The following PLCB1 variants were observed in gnomAD, a reference collection of about 807,000 sequenced individuals.
The protein encoded by PLCB1 is 1-phosphatidylinositol 4,5-bisphosphate phosphodiesterase beta-1.
A neutral mutation model predicts 161.8 loss-of-function variants in PLCB1; 46 were observed. That is an observed-to-expected ratio of 0.28 (90% confidence interval 0.22 to 0.36). PLCB1 has a LOEUF of 0.36. PLCB1 is among the 10% of genes least tolerant of loss of function. The pLI is 1.00. For synonymous variants in PLCB1, 517 were observed against 503.7 expected, an observed-to-expected ratio of 1.03 and a Z score of -0.35; for missense variants, 1,016 against 1,472.5, an observed-to-expected ratio of 0.69 and a Z score of 5.07.
chr20:8,214,125 T>G (rs1978987700), intron 2 of PLCB1, among the ~76,000 whole-genome samples: 1 of 152,154 alleles, frequency 6.6e-6, no homozygotes, highest in Non-Finnish European at 1.5e-5. Flanking sequence ...AGCTTCCAGC[T>G]TTGGGACTGA....
chr20:8,214,819 C>A (rs1979031661), intron 2 of PLCB1, among the ~76,000 whole-genome samples: 1 of 152,016 alleles, frequency 6.6e-6, no homozygotes, highest in Admixed American at 6.6e-5. Flanking sequence ...ATTTTGCCTT[C>A]TTTTTTCACT....
intron 2 of PLCB1, among the ~76,000 whole-genome samples, chr20:8,271,049 C>G (rs1419012447): frequency 6.6e-6 from 1 of 152,098 alleles, no homozygotes; most frequent in Admixed American, 6.6e-5. Context: ...GATAAAAATA[C>G]TGAACATTTT....
chr20:8,226,046 A>G (rs1025696095), intron 2 of PLCB1, among the ~76,000 whole-genome samples: 3 of 152,112 alleles, frequency 2.0e-5, no homozygotes, highest in African/African-American at 7.2e-5. Flanking sequence ...GGTAAGGGCC[A>G]TCTTGTTCTT....
chr20:8,802,020 C>T, intron 31 of PLCB1: 1 of 1,215,060 alleles, frequency 8.2e-7, no homozygotes, highest in South Asian at 1.2e-5. Context: ...AATTTCATTG[C>T]CACAAAAATG....
At chr20:8,488,856 A>T (rs914343750) in intron 3 of PLCB1, among the ~76,000 whole-genome samples, 2 of 152,258 alleles carry the variant, frequency 1.3e-5, no homozygotes, top group African/African-American at 4.8e-5. Flanking sequence ...TAAATTTTCT[A>T]GATTTAATGA....
At chr20:8,241,157 C>T (rs912156243) in intron 2 of PLCB1, among the ~76,000 whole-genome samples, 1 of 151,888 alleles carries the variant, frequency 6.6e-6, no homozygotes, top group Admixed American at 6.6e-5. Flanking sequence ...TTTATTTCTT[C>T]CCTTGATGTA....
chr20:8,799,250 A>C (rs1468376834), intron 31 of PLCB1, among the ~76,000 whole-genome samples: 1 of 152,184 alleles, frequency 6.6e-6, no homozygotes, highest in Non-Finnish European at 1.5e-5. Context: ...AATCTTCCCC[A>C]CCTGCTAGAG....
intron 1 of PLCB1, among the ~76,000 whole-genome samples, chr20:8,137,996 T>C (rs6055562): frequency 0.68 from 103,239 of 152,148 alleles, 36,425 homozygotes; most frequent in African/African-American, 0.88. Flanking sequence ...CTGGGAAGTA[T>C]AGCAGGTATA....
chr20:8,627,802 G>A lies in PLCB1; in HGVS notation c.247-492G>A, dbSNP rs374957395. Among the ~76,000 whole-genome samples the A allele has an allele frequency of 5.4e-4, 82 of 152,290 alleles. No homozygotes were observed. The South Asian group carries it at 0.014, about 25-fold the overall frequency. ...TGGCAGGCACTACGATTTTGCTCACGCTAATTCTGTGTCTCTTTGCATCAG... is the reference window on the plus strand; with the variant it reads ...TGGCAGGCACTACGATTTTGCTCACACTAATTCTGTGTCTCTTTGCATCAG... On this transcript the variant is annotated intron_variant, in intron 3 of 31. Coordinates refer to ENST00000338037, the MANE Select transcript of PLCB1 (RefSeq NM_015192.4).
At chr20:8,138,347 C>T (rs2051369442) in intron 1 of PLCB1, among the ~76,000 whole-genome samples, 1 of 152,126 alleles carries the variant, frequency 6.6e-6, no homozygotes, top group Non-Finnish European at 1.5e-5. Flanking sequence ...GTTTCCTTAT[C>T]AGAATTGTTT....
intron 2 of PLCB1, among the ~76,000 whole-genome samples, chr20:8,297,719 A>T (rs1983701596): frequency 6.6e-6 from 1 of 152,116 alleles, no homozygotes; most frequent in Non-Finnish European, 1.5e-5. Context: ...CATCACTGTT[A>T]GAAATAACAG....
intron 19 of PLCB1, among the ~76,000 whole-genome samples, chr20:8,736,105 C>T (rs1370727918): frequency 2.0e-5 from 3 of 152,188 alleles, no homozygotes; most frequent in African/African-American, 7.2e-5. Flanking sequence ...GACCAGCAGG[C>T]AATTTTCTTG....
intron 31 of PLCB1, among the ~76,000 whole-genome samples, chr20:8,862,694 C>T (rs1987297755): frequency 6.6e-6 from 1 of 152,114 alleles, no homozygotes; most frequent in Admixed American, 6.5e-5. Context: ...CAAATAAGGT[C>T]AGCATGCATC....
intron 3 of PLCB1, among the ~76,000 whole-genome samples, chr20:8,493,114 A>G (rs2122782458): frequency 6.6e-6 from 1 of 152,116 alleles, no homozygotes; most frequent in South Asian, 2.1e-4. Flanking sequence ...CATACCTGCC[A>G]CTTTTGAGGT....
intron 3 of PLCB1, among the ~76,000 whole-genome samples, chr20:8,489,497 C>G (rs534705857): frequency 6.6e-6 from 1 of 152,300 alleles, no homozygotes; most frequent in East Asian, 1.9e-4. Context: ...CATAACTTGG[C>G]TGCACACCTT....
chr20:8,699,295 A>G (rs1247437254), intron 11 of PLCB1, among the ~76,000 whole-genome samples: 1 of 152,216 alleles, frequency 6.6e-6, no homozygotes, highest in Non-Finnish European at 1.5e-5. Flanking sequence ...AGACAAGGCC[A>G]TTGAACATGG....
intron 23 of PLCB1, among the ~76,000 whole-genome samples, chr20:8,755,088 C>T (rs547619695): frequency 1.3e-5 from 2 of 152,334 alleles, no homozygotes; most frequent in South Asian, 4.1e-4. Flanking sequence ...TCTCCCCTAA[C>T]TGATGTCCAG....
At chr20:8,366,471 CTGTG>C (rs1296506052) in intron 2 of PLCB1, among the ~76,000 whole-genome samples, 1 of 152,136 alleles carries the variant, frequency 6.6e-6, no homozygotes, top group Non-Finnish European at 1.5e-5. Flanking sequence ...GAAATACAGC[CTGTG>C]TGCTGAACTT....
chr20:8,751,848 C>T (rs1404566699), intron 23 of PLCB1: 1 of 152,042 alleles, frequency 6.6e-6, no homozygotes, highest in African/African-American at 2.4e-5. Context: ...TCACAATTTC[C>T]AGTACCAGAT....
Sources: gnomAD v4.1 joint callset for allele counts (sites outside exome capture counted in the v4.1 genomes callset) on GRCh38, gnomAD v4.1.1 for gene constraint, MANE v1.5 for transcripts, NCBI Gene and HGNC (gene_info 2026-07-23, HGNC 2026-07-21) for gene names.